Variants in EZH1 observed in about 807,000 individuals in gnomAD.
The protein encoded by EZH1 is enhancer of zeste 1 polycomb repressive complex 2 subunit.
In EZH1, 33 loss-of-function variants were observed where a neutral mutation model predicts 100.5. The ratio of observed to expected loss-of-function variants is 0.33; its 90% CI spans 0.25 to 0.44. The LOEUF (loss-of-function observed/expected upper bound fraction) is 0.44, where lower values mean the gene tolerates loss of function less well. EZH1 is among the 20% of genes least tolerant of loss of function. The probability of loss-of-function intolerance (pLI) is 1.00; values close to 1 mark genes in which losing one functional copy is unlikely to be tolerated. For missense variants in EZH1, 475 were observed against 928.4 expected (o/e 0.51, Z 6.35); for synonymous variants, 272 against 313.8 (o/e 0.87, Z 1.41).
At chr17:42,723,976 A>G (rs1455956345) in intron 5 of EZH1, among the ~76,000 whole-genome samples, 1 of 152,214 alleles carries the variant, frequency 6.6e-6, no homozygotes, top group East Asian at 1.9e-4. Flanking sequence ...CAACCTGCTC[A>G]AGCCTCAAGA....
At chr17:42,722,473 G>A (rs1170385905) in intron 6 of EZH1, among the ~76,000 whole-genome samples, 1 of 150,510 alleles carries the variant, frequency 6.6e-6, no homozygotes, top group East Asian at 2.0e-4. Flanking sequence ...AAAAATACAA[G>A]AATTAGCTGG....
chr17:42,716,954 TC>T (rs2053617293), intron 10 of EZH1, among the ~76,000 whole-genome samples: 2 of 152,096 alleles, frequency 1.3e-5, no homozygotes, highest in African/African-American at 4.8e-5. Flanking sequence ...TCCCTCAGCC[TC>T]CCAAAGTGCT....
chr17:42,703,164 G>T (rs951993990), intron 19 of EZH1: 2 of 550,694 alleles, frequency 3.6e-6, no homozygotes, highest in Non-Finnish European at 6.4e-6. Context: ...TATAAGTGGG[G>T]TTTTTTGTTT....
At chr17:42,741,098 C>T (rs1321819436) in intron 1 of EZH1, among the ~76,000 whole-genome samples, 6 of 152,226 alleles carry the variant, frequency 3.9e-5, no homozygotes, top group Non-Finnish European at 5.9e-5. Flanking sequence ...CTTTTCTCCA[C>T]AAATTGTTTT....
chr17:42,708,770 C>G, intron 14 of EZH1, 106 bp downstream of exon 14: 1 of 1,217,930 alleles, frequency 8.2e-7, no homozygotes, highest in Non-Finnish European at 1.2e-6. Flanking sequence ...CTGCAATCTG[C>G]GGAAGTGGCA....
chr17:42,729,756 A>AT (rs2053902649), intron 2 of EZH1, among the ~76,000 whole-genome samples: 1 of 138,932 alleles, frequency 7.2e-6, no homozygotes, highest in African/African-American at 2.7e-5. Context: ...AAAAAAAAAA[A>AT]AGTCCGGGCA....
chr17:42,718,454 G>C lies in EZH1; in HGVS notation c.931C>G (p.Pro311Ala), dbSNP rs923918969. 2 of 1,613,318 alleles carry C rather than the reference G, an allele frequency of 1.2e-6. No homozygotes were observed. Among genetic ancestry groups the C allele is most frequent in the Non-Finnish European group, 8.5e-7 (1 of 1,179,968 alleles). ...RCFKYDCFLH[P>A]FHATPNVYKR... ...TTTCAAACAGAGTAGCCCCACTCAC[G>C]GTGAAGGAAGCAGTCGTATTTAAAG... The change falls in exon 9 of 21, where the codon CCT (proline) becomes GCT (alanine). Residue 311 changes from proline to alanine, a missense_variant and splice_region_variant. Pro to Ala is a conservative substitution (Grantham distance 27). Around this residue, in one of 8 missense-constraint regions of EZH1, gnomAD observed 180 missense variants for 295.3 expected, o/e 0.61. Transcript: ENST00000428826. This position sits in a 1 kb window ranked among gnomAD's most constrained non-coding sequence, Gnocchi z 4.2.
chr17:42,715,012 AATAT>A (rs2053569885), intron 10 of EZH1, among the ~76,000 whole-genome samples: 1 of 139,514 alleles, frequency 7.2e-6, no homozygotes, highest in Admixed American at 7.6e-5. Flanking sequence ...ATAAATATAA[AATAT>A]ATATAATTTA....
chr17:42,708,070 T>G lies in EZH1; in HGVS notation c.1548A>C (p.Thr516=), dbSNP rs147124192. The G allele has an allele frequency of 5.6e-6, 9 of 1,606,500 alleles. No homozygotes were observed. The highest frequency in any genetic ancestry group is 1.7e-4 in the Middle Eastern group (1 of 5,836). ...CGCAGGGTTGGTAGTTGTACACTTG[T>G]GTGGAAGAGTTATCTAGGAAAGAAA... ...KIQLKKDNSS[T]QVYNYQPCDH... Residue 516 remains threonine, a synonymous_variant, in exon 15 of 21, where the codon ACA becomes ACC. Transcript: ENST00000428826.
At chr17:42,731,006 C>A (rs2053936891) in intron 1 of EZH1, 88 bp from the exon 2 acceptor site, 3 of 465,104 alleles carry the variant, frequency 6.5e-6, no homozygotes, top group Non-Finnish European at 5.6e-6. Flanking sequence ...CCCCCAGAAT[C>A]AGAAAGACTT....
chr17:42,739,449 C>T (rs1028748491), intron 1 of EZH1, among the ~76,000 whole-genome samples: 1 of 152,046 alleles, frequency 6.6e-6, no homozygotes, highest in Non-Finnish European at 1.5e-5. Flanking sequence ...AGAATCAGAT[C>T]AGCTGGGTGC....
In EZH1 at chr17:42,727,650, G is replaced by T; in HGVS notation, c.231C>A (p.His77Gln). 1.2e-6 allele frequency: 2 copies of T among 1,612,736 alleles called. No individual in the cohort carries two copies. The highest frequency in any genetic ancestry group is 1.7e-6 in the Non-Finnish European group (2 of 1,179,384). ...PVQSMKPVSG[H>Q]PFLKKCTIES... ...CCAAAAGTACCTTTTTGAGAAAAGG[G>T]TGTCCACTCACAGGCTTCATTGACT... is the stretch of plus-strand genomic sequence containing the variant. Residue 77 changes from histidine (H) to glutamine (Q), a missense_variant, in exon 4 of 21, where the codon CAC (histidine) becomes CAA (glutamine). Physicochemically the swap from His to Gln is conservative, Grantham distance 24. Transcript: ENST00000428826.
chr17:42,704,604 T>C lies in EZH1; in HGVS notation c.2015A>G (p.Asn672Ser). The change falls in exon 18 of 21, where the codon AAT becomes AGT. Residue 672 changes from asparagine to serine, a missense_variant and splice_region_variant. Coordinates refer to ENST00000428826, the MANE Select transcript of EZH1 (RefSeq NM_001991.5). The part of the protein sequence containing the change: ...YMSSFLFNLN[N>S]DFVVDATRKG... ...GATGAGACAAAGTGACTTCATACCATTATTGAGGTTGAAGAGGAAGCTGGA... is the reference window on the plus strand; with the variant it reads ...GATGAGACAAAGTGACTTCATACCACTATTGAGGTTGAAGAGGAAGCTGGA... 1 of 1,611,458 alleles carries C rather than the reference T, an allele frequency of 6.2e-7. No individual in the cohort carries two copies.
rs186664165 is a variant in EZH1, at chr17:42,705,744, T to C, written c.1839+263A>G. 896 of 293,772 alleles carry C rather than the reference T, an allele frequency of 3.0e-3. 10 individuals carry two copies. Among genetic ancestry groups the C allele is most frequent in the African/African-American group, 0.017 (788 of 45,966 alleles). 18.2% of individuals were successfully genotyped at this position (293,772 alleles called of 1,614,324 possible). On this transcript the variant is annotated intron_variant, in intron 16 of 20. Transcript: ENST00000428826. ...CATGTTGCCCAGGCTGGTCTCGAAC[T>C]CTTGACCTCATGATCCGCTGGCCTC...
At chr17:42,735,845 C>T (rs1206963490) in intron 1 of EZH1, among the ~76,000 whole-genome samples, 1 of 152,044 alleles carries the variant, frequency 6.6e-6, no homozygotes, top group Non-Finnish European at 1.5e-5. Context: ...ATTAGCCAGG[C>T]GTGGTGGCGT....
chr17:42,723,920 G>A (rs1487727633), intron 5 of EZH1, among the ~76,000 whole-genome samples: 3 of 152,152 alleles, frequency 2.0e-5, no homozygotes, highest in Non-Finnish European at 4.4e-5. Flanking sequence ...GTAGCATCTT[G>A]CATTTAGAGA....
At chr17:42,705,842 TG>T in intron 16 of EZH1, 164 bp downstream of exon 16, 2 of 770,328 alleles carry the variant, frequency 2.6e-6, no homozygotes, top group Non-Finnish European at 3.8e-6. Flanking sequence ...TAAGCCCTAC[TG>T]GGACTGAAGC....
intron 15 of EZH1, among the ~76,000 whole-genome samples, chr17:42,707,499 A>T (rs1425337503): frequency 6.6e-6 from 1 of 152,178 alleles, no homozygotes; most frequent in Non-Finnish European, 1.5e-5. Context: ...ACCTTAAGTG[A>T]TCTGCCCGAC....
chr17:42,704,512 C>A, intron 18 of EZH1, 90 bp downstream of exon 18: 1 of 1,019,750 alleles, frequency 9.8e-7, no homozygotes, highest in Non-Finnish European at 1.5e-6. Context: ...CGCACCATTG[C>A]ACCCTAGCCT....
Sources: gnomAD v4.1 joint callset for allele counts (sites outside exome capture counted in the v4.1 genomes callset) on GRCh38, gnomAD v4.1.1 for gene constraint, gnomAD v4.1.1 regional missense constraint, Gnocchi (gnomAD v3.1) non-coding constraint, MANE v1.5 for transcripts, NCBI Gene and HGNC (gene_info 2026-07-23, HGNC 2026-07-21) for gene names.